The following RAD54B variants were observed in gnomAD, a reference collection of about 807,000 sequenced individuals.
RAD54B encodes RAD54 homolog B, also known as DNA repair and recombination protein RAD54B.
Under a neutral mutation model 95.8 loss-of-function variants are expected in RAD54B, and 78 were observed. The observed-to-expected ratio is 0.81, with a 90% CI of 0.68 to 0.98. The LOEUF is 0.98. Among genes scored for constraint, RAD54B ranks in the 50% least tolerant of loss-of-function variants. The pLI is 0.00. For missense variants in RAD54B, 957 were observed against 1,056.6 expected (o/e 0.91, Z 1.31); for synonymous variants, 328 against 354.9 (o/e 0.92, Z 0.85).
At chr8:94,464,008 G>GCT (rs1812969642) in intron 2 of RAD54B, among the ~76,000 whole-genome samples, 1 of 151,872 alleles carries the variant, frequency 6.6e-6, no homozygotes, top group Non-Finnish European at 1.5e-5. Context: ...CTAAAAAGTG[G>GCT]AAACAACCCA....
chr8:94,414,517 T>C (rs1346042669), intron 3 of RAD54B, among the ~76,000 whole-genome samples: 1 of 152,208 alleles, frequency 6.6e-6, no homozygotes, highest in East Asian at 1.9e-4. Context: ...ACCTAATTTA[T>C]TGAGAGTTTT....
chr8:94,468,369 C>T (rs901355092), intron 1 of RAD54B, among the ~76,000 whole-genome samples: 1 of 152,186 alleles, frequency 6.6e-6, no homozygotes, highest in Non-Finnish European at 1.5e-5. Flanking sequence ...CTGTGCCAGG[C>T]AGGCCGTCTC....
Position 94,407,629 on chromosome 8 carries a change from G to C in RAD54B, c.591C>G (p.Ile197Met). The change falls in exon 5 of 15, where the codon ATC becomes ATG. Residue 197 changes from isoleucine to methionine, a missense_variant. By Grantham distance (10) the Ile-to-Met change is conservative (BLOSUM62 1). Coordinates refer to ENST00000336148, the MANE Select transcript of RAD54B (RefSeq NM_012415.3). ...TGCCACTGCTGAAGTCATCTGGAGA[G>C]ATTACACCCATGACTTCTATTTCTT... ...CGKEIEVMGV[I>M]SPDDFSSGRC... 1.2e-6 allele frequency: 2 copies of C among 1,613,966 alleles called. No homozygotes were observed. The highest frequency in any genetic ancestry group is 1.7e-6 in the Non-Finnish European group (2 of 1,179,914).
intron 3 of RAD54B, among the ~76,000 whole-genome samples, chr8:94,442,550 G>A (rs1753380585): frequency 6.7e-6 from 1 of 150,206 alleles, no homozygotes; most frequent in Admixed American, 6.6e-5. Context: ...ACTCCAGCCT[G>A]GGTGACAGAG....
chr8:94,432,864 C>G (rs1289028635), intron 3 of RAD54B, among the ~76,000 whole-genome samples: 1 of 152,018 alleles, frequency 6.6e-6, no homozygotes, highest in Non-Finnish European at 1.5e-5. Flanking sequence ...CTCCCCCATC[C>G]TTAACTTTAA....
intron 10 of RAD54B, among the ~76,000 whole-genome samples, chr8:94,388,003 A>G (rs557275560): frequency 1.3e-5 from 2 of 152,340 alleles, no homozygotes; most frequent in Admixed American, 1.3e-4. Flanking sequence ...TCCCAATCCT[A>G]TAAACACTTG....
At chr8:94,391,949 C>A (rs756797907) in intron 9 of RAD54B, 50 bp from the exon 10 acceptor site, 1 of 1,442,288 alleles carries the variant, frequency 6.9e-7, no homozygotes, top group South Asian at 1.3e-5. Flanking sequence ...CAAAAATACA[C>A]TTAAAATGAA....
At chr8:94,458,503 A>G in intron 2 of RAD54B, 67 bp from the exon 3 acceptor site, 1 of 1,246,784 alleles carries the variant, frequency 8.0e-7, no homozygotes, top group East Asian at 2.6e-5. Context: ...CTGTATTTTT[A>G]CATAAAAGAT....
chr8:94,378,772 G>A lies in RAD54B; in HGVS notation c.2248-138C>T. 3 of 616,332 alleles carry A rather than the reference G, an allele frequency of 4.9e-6. No individual in the cohort carries two copies. In the South Asian group the frequency reaches 6.5e-5, roughly 13 times the overall value. The allele number at this position is 616,332 out of a possible 1,614,324, so 38.2% of individuals were successfully genotyped here. ...GCTTCAGAAAACAAATCTCAGGTGT[G>A]TGAAGCATGCCCTACTTCATAGCTT... is the stretch of plus-strand genomic sequence containing the variant. On this transcript the variant is annotated intron_variant, in intron 12 of 14. Coordinates refer to ENST00000336148, the MANE Select transcript of RAD54B (RefSeq NM_012415.3).
chr8:94,448,025 CT>C (rs1026966678), intron 3 of RAD54B, among the ~76,000 whole-genome samples: 13 of 152,074 alleles, frequency 8.5e-5, no homozygotes, highest in African/African-American at 2.9e-4. Flanking sequence ...AAAATATATT[CT>C]TTTTGGTTAT....
intron 11 of RAD54B, among the ~76,000 whole-genome samples, chr8:94,386,012 A>G (rs890585348): frequency 1.3e-5 from 2 of 152,218 alleles, no homozygotes; most frequent in African/African-American, 4.8e-5. Flanking sequence ...GGAGTCTTCA[A>G]ATGATTTTTT....
chr8:94,430,999 ACCCATGGTC>A, intron 3 of RAD54B: 4 of 985,164 alleles, frequency 4.1e-6, no homozygotes, highest in Non-Finnish European at 4.8e-6. Flanking sequence ...GACTTCAAAC[ACCCATGGTC>A]CCCTTCACTG....
At position 94,430,927 on chromosome 8, in the gene RAD54B, G is replaced by T. The variant is rs2130100198; in HGVS notation, c.305-19612C>A. ...AAATCAATGGCTTAGCACTGCATTT[G>T]TGCTTATATACTCAATCCACTTTTT... On this transcript the variant is annotated intron_variant, in intron 3 of 14. Coordinates refer to ENST00000336148, the MANE Select transcript of RAD54B (RefSeq NM_012415.3). 3.0e-6 allele frequency: 3 copies of T among 985,308 alleles called. No homozygotes were observed. In the Middle Eastern group the frequency reaches 1.6e-3, roughly 515 times the overall value. The allele number at this position is 985,308 out of a possible 1,614,324, so 61.0% of individuals were successfully genotyped here. A position where few individuals can be genotyped will look rare whatever the true frequency, so the allele number is the denominator to read the frequency against.
intron 2 of RAD54B, among the ~76,000 whole-genome samples, chr8:94,466,012 G>C (rs1813015777): frequency 6.6e-6 from 1 of 152,202 alleles, no homozygotes; most frequent in African/African-American, 2.4e-5. Context: ...TGAGTGGAGA[G>C]AATGGGGAGT....
chr8:94,418,571 T>C lies in RAD54B; in HGVS notation c.305-7256A>G, dbSNP rs576085330. ...CCATGACCACAATCAGGATATAGAA[T>C]CGTTCCATCATCCCGAAAGACTCCC... On this transcript the variant is annotated intron_variant, in intron 3 of 14. Transcript: ENST00000336148. 1.2e-3 allele frequency among the ~76,000 whole-genome samples: 176 copies of C among 152,296 alleles called. 3 individuals are homozygous for C. The South Asian group carries it at 0.02, about 18-fold the overall frequency.
At position 94,423,565 on chromosome 8, in the gene RAD54B, A is replaced by G. The variant is rs149772784; in HGVS notation, c.305-12250T>C. Among the ~76,000 whole-genome samples the G allele has an allele frequency of 7.5e-3, 1,142 of 152,342 alleles. 13 individuals are homozygous for G. Among genetic ancestry groups the G allele is most frequent in the African/African-American group, 0.026 (1,068 of 41,574 alleles). ...GAAGTTTTACTGAGTCAAATTTTGC[A>G]CAGCTAAATATTATCAGGATCGTAT... On this transcript the variant is annotated intron_variant, in intron 3 of 14. Transcript: ENST00000336148.
intron 14 of RAD54B, among the ~76,000 whole-genome samples, chr8:94,373,790 CT>C (rs151328104): frequency 0.029 from 4,460 of 152,024 alleles, 84 homozygotes; most frequent in Non-Finnish European, 0.043. Flanking sequence ...TTTTTTTAAC[CT>C]TTTAATTATG....
At chr8:94,467,087 C>A (rs1813042890) in intron 2 of RAD54B, among the ~76,000 whole-genome samples, 1 of 152,116 alleles carries the variant, frequency 6.6e-6, no homozygotes, top group Non-Finnish European at 1.5e-5. Context: ...CACCACCACA[C>A]CCCACTAAAT....
At chr8:94,377,705 G>A (rs922201011) in intron 14 of RAD54B, among the ~76,000 whole-genome samples, 42 of 151,714 alleles carry the variant, frequency 2.8e-4, no homozygotes, top group African/African-American at 8.7e-4. Context: ...GGCCGGGCGC[G>A]GTGGCTCACG....
Sources: allele counts gnomAD v4.1 joint callset (sites outside exome capture counted in the v4.1 genomes callset), GRCh38; gene constraint gnomAD v4.1.1; transcripts MANE v1.5; gene names NCBI Gene and HGNC (gene_info 2026-07-23, HGNC 2026-07-21).